Variants in SLIT3 observed in about 807,000 individuals in gnomAD.
The protein encoded by SLIT3 is slit homolog 3 protein.
A neutral mutation model predicts 184.0 loss-of-function variants in SLIT3; 68 were observed. That is an observed-to-expected ratio of 0.37 (90% CI 0.30 to 0.45). The LOEUF (loss-of-function observed/expected upper bound fraction) is 0.45. Ranked by LOEUF, SLIT3 falls within the 20% of genes least tolerant of loss-of-function variation. SLIT3 has a pLI of 1.00. For missense variants in SLIT3, 1,707 were observed against 2,026.0 expected, an observed-to-expected ratio of 0.84 and a Z score of 3.02; for synonymous variants, 831 against 828.6, an observed-to-expected ratio of 1.00 and a Z score of -0.05.
At chr5:169,136,210 G>A (rs900268429) in intron 4 of SLIT3, among the ~76,000 whole-genome samples, 5 of 152,258 alleles carry the variant, frequency 3.3e-5, no homozygotes, top group Admixed American at 6.5e-5. Context: ...GGTAGTTTCC[G>A]TCAACATGGG....
intron 4 of SLIT3, among the ~76,000 whole-genome samples, chr5:169,130,548 A>G (rs918055486): frequency 1.3e-5 from 2 of 152,202 alleles, no homozygotes; most frequent in Non-Finnish European, 2.9e-5. Flanking sequence ...ATGAATAAGC[A>G]TCATCAGGGT....
chr5:168,817,492 A>C (rs1193213138), intron 7 of SLIT3, 29 bp from the exon 8 acceptor site: 1 of 1,577,828 alleles, frequency 6.3e-7, no homozygotes, highest in Admixed American at 1.8e-5. Flanking sequence ...GAGAGAAGGC[A>C]TGGTCACAGG....
At chr5:169,083,694 A>G (rs1759163824) in intron 4 of SLIT3, among the ~76,000 whole-genome samples, 1 of 152,174 alleles carries the variant, frequency 6.6e-6, no homozygotes, top group African/African-American at 2.4e-5. Flanking sequence ...CAGCCATCAC[A>G]GGCCTCTGGG....
At chr5:169,248,809 C>A (rs1036232977) in intron 2 of SLIT3, among the ~76,000 whole-genome samples, 12 of 152,210 alleles carry the variant, frequency 7.9e-5, no homozygotes, top group Non-Finnish European at 1.6e-4. Context: ...CCAGAAGAGA[C>A]TTTTTCCTAC....
At chr5:169,281,810 T>A (rs1270521936) in intron 1 of SLIT3, among the ~76,000 whole-genome samples, 1 of 152,234 alleles carries the variant, frequency 6.6e-6, no homozygotes, top group African/African-American at 2.4e-5. Context: ...ATTATGTTGC[T>A]TTATTAATTT....
At chr5:168,811,930 T>C (rs946735885) in intron 8 of SLIT3, among the ~76,000 whole-genome samples, 69 of 152,228 alleles carry the variant, frequency 4.5e-4, no homozygotes, top group African/African-American at 1.7e-3. Context: ...ATTGCAGCAT[T>C]AGTCACAGTA....
intron 2 of SLIT3, among the ~76,000 whole-genome samples, chr5:169,248,710 A>G (rs1276397443): frequency 6.6e-6 from 1 of 152,064 alleles, no homozygotes; most frequent in Non-Finnish European, 1.5e-5. Context: ...TAACTTTTTT[A>G]TTAACCCCAT....
intron 27 of SLIT3, among the ~76,000 whole-genome samples, chr5:168,697,169 A>G (rs189946805): frequency 6.6e-6 from 1 of 152,310 alleles, no homozygotes. Context: ...TATTCTTGCT[A>G]CTTCTGAGCC....
At chr5:168,789,098 G>A (rs561353061) in intron 11 of SLIT3, among the ~76,000 whole-genome samples, 2 of 152,246 alleles carry the variant, frequency 1.3e-5, no homozygotes, top group African/African-American at 4.8e-5. Context: ...TGGGGTGGAT[G>A]TTTTCTTAGG....
At chr5:169,263,104 G>A (rs775334334) in intron 1 of SLIT3, among the ~76,000 whole-genome samples, 10 of 152,162 alleles carry the variant, frequency 6.6e-5, no homozygotes, top group Non-Finnish European at 1.5e-4. Flanking sequence ...ACTTTGGGAG[G>A]CTGATGCAGA....
chr5:169,105,288 C>G (rs1375280991), intron 4 of SLIT3, among the ~76,000 whole-genome samples: 1 of 152,218 alleles, frequency 6.6e-6, no homozygotes, highest in Non-Finnish European at 1.5e-5. Context: ...TAAATTTAAC[C>G]TCTCTCCAAA....
intron 3 of SLIT3, among the ~76,000 whole-genome samples, chr5:169,227,616 C>G (rs1764857945): frequency 6.6e-6 from 1 of 152,122 alleles, no homozygotes; most frequent in Admixed American, 6.5e-5. Flanking sequence ...TTAGTAGAGG[C>G]AGGGTTTCAC....
At chr5:169,209,393 C>T (rs112899973) in intron 3 of SLIT3, among the ~76,000 whole-genome samples, 10,474 of 152,218 alleles carry the variant, frequency 0.069, 446 homozygotes, top group South Asian at 0.12. Context: ...GACAATGTGG[C>T]GATTCCTCAA....
chr5:169,240,018 T>C (rs1367819056), intron 3 of SLIT3, among the ~76,000 whole-genome samples: 9 of 152,072 alleles, frequency 5.9e-5, no homozygotes, highest in African/African-American at 2.2e-4. Context: ...CACTGTGATA[T>C]GTTCTTCAAC....
chr5:169,105,962 G>A (rs534793804), intron 4 of SLIT3, among the ~76,000 whole-genome samples: 1 of 151,616 alleles, frequency 6.6e-6, no homozygotes, highest in Non-Finnish European at 1.5e-5. Context: ...TATTTCTTTG[G>A]GTATATAACC....
intron 4 of SLIT3, among the ~76,000 whole-genome samples, chr5:169,131,666 G>A (rs949742451): frequency 6.6e-6 from 1 of 152,146 alleles, no homozygotes; most frequent in Non-Finnish European, 1.5e-5. Flanking sequence ...CTTGGAAAAG[G>A]AAGGCCAGAG....
chr5:169,135,388 A>G (rs1459929961), intron 4 of SLIT3, among the ~76,000 whole-genome samples: 1 of 152,010 alleles, frequency 6.6e-6, no homozygotes. Flanking sequence ...CTGGGATTAC[A>G]TACGTGAGCC....
At chr5:168,903,355 G>C (rs780831690) in intron 4 of SLIT3, among the ~76,000 whole-genome samples, 1 of 152,034 alleles carries the variant, frequency 6.6e-6, no homozygotes, top group Non-Finnish European at 1.5e-5. Flanking sequence ...GAAATTTCCT[G>C]TTCCAGCACA....
intron 1 of SLIT3, among the ~76,000 whole-genome samples, chr5:169,261,744 C>T (rs1581113628): frequency 6.6e-6 from 1 of 152,162 alleles, no homozygotes; most frequent in Admixed American, 6.5e-5. Context: ...CAACACCTTC[C>T]CCTCTCCTTG....
Sources: gnomAD v4.1 joint callset for allele counts (sites outside exome capture counted in the v4.1 genomes callset) on GRCh38, gnomAD v4.1.1 for gene constraint, MANE v1.5 for transcripts, NCBI Gene and HGNC (gene_info 2026-07-23, HGNC 2026-07-21) for gene names.